Variants in SPIN3 observed in about 807,000 individuals in gnomAD.
The protein encoded by SPIN3 is spindlin family member 3.
For missense variants in SPIN3, 176 were observed against 196.4 expected, an observed-to-expected ratio of 0.90 and a Z score of 0.62; for synonymous variants, 74 against 74.3, an observed-to-expected ratio of 1.00 and a Z score of 0.02.
At chrX:56,983,901 G>A (rs934813506) in intron 3 of SPIN3, among the ~76,000 whole-genome samples, 5 of 112,365 alleles carry the variant, frequency 4.4e-5, no homozygotes, top group African/African-American at 1.6e-4. Context: ...ATAATACAGA[G>A]GACTGATATA....
Position 56,993,899 on chromosome X carries a change from C to A in SPIN3, c.*272G>T. The A allele has an allele frequency of 3.6e-6, 1 of 278,968 alleles. No homozygotes were observed. Among genetic ancestry groups the A allele is most frequent in the East Asian group, 6.3e-5 (1 of 15,891 alleles). 23.0% of individuals were successfully genotyped at this position (278,968 alleles called of 1,213,427 possible). On this transcript the variant is annotated 3_prime_UTR_variant, in exon 2 of 2. Transcript: ENST00000374919. ...TCAGCTACCTTTAATCTATTAACAC[C>A]ACCCAAGATAAAAAAAAGTATGAGC...
chrX:56,988,230 G>C (rs760854181), downstream of SPIN3, among the ~76,000 whole-genome samples: 1 of 111,245 alleles, frequency 9.0e-6, no homozygotes, highest in South Asian at 3.8e-4. Context: ...GGGCCTACTT[G>C]AAAACAGTGA....
chrX:56,990,615 T>C (rs188089445), downstream of SPIN3, among the ~76,000 whole-genome samples: 187 of 112,207 alleles, frequency 1.7e-3, 1 homozygote, highest in Admixed American at 4.7e-3. Flanking sequence ...AGTAAAAATA[T>C]ACTGGCCTCT....
downstream of SPIN3, among the ~76,000 whole-genome samples, chrX:56,988,040 G>A (rs1924258175): frequency 9.0e-6 from 1 of 111,644 alleles, no homozygotes; most frequent in Non-Finnish European, 1.9e-5. Context: ...TCAAGAAGGG[G>A]AATAGATTCA....
chrX:56,979,566 C>A (rs962357733), intron 3 of SPIN3: 2 of 112,026 alleles, frequency 1.8e-5, no homozygotes, highest in Non-Finnish European at 3.8e-5. Flanking sequence ...CAAAATATAA[C>A]TGAATATGAA....
rs1924334896 is a variant in SPIN3 at position 56,991,424 on chromosome X, T to C, written c.*2747A>G. ...AGTGGCCTAAGCTGCCTATCCATTA[T>C]AACCATTTTCTCAATCTCATCAAGT... On this transcript the variant is annotated 3_prime_UTR_variant, in exon 2 of 2. Coordinates refer to ENST00000374919, the MANE Select transcript of SPIN3 (RefSeq NM_001010862.3). The C allele has an allele frequency of 1.8e-5, 2 of 112,141 alleles. No individual in the cohort carries two copies. The highest frequency in any genetic ancestry group is 7.5e-4 in the South Asian group (2 of 2,675). The allele number at this position is 112,141 out of a possible 1,213,427, so 9.2% of individuals were successfully genotyped here. A position where few individuals can be genotyped will look rare whatever the true frequency, so the allele number is the denominator to read the frequency against.
At chrX:56,987,937 A>G (rs1054057178), downstream of SPIN3, among the ~76,000 whole-genome samples, 2 of 112,211 alleles carry the variant, frequency 1.8e-5, no homozygotes, top group Non-Finnish European at 3.8e-5. Context: ...ATTCACCTTT[A>G]TTAAGCATCT....
chrX:56,984,426 G>T (rs750134079), exon 3 of SPIN3: 14 of 319,305 alleles, frequency 4.4e-5, no homozygotes, highest in Non-Finnish European at 7.8e-5. Flanking sequence ...TTGATACAAT[G>T]AAAAGAAAGT....
At position 56,990,933 on chromosome X, in the gene SPIN3, C is replaced by T. The variant is rs1356638013; in HGVS notation, c.*3238G>A. ...CATTTGTGTAAAAAAAAAAAAAAAA[C>T]CTGATACACACATACCCACACACAA... On this transcript the variant is annotated 3_prime_UTR_variant, in exon 2 of 2. Coordinates refer to ENST00000374919, the MANE Select transcript of SPIN3 (RefSeq NM_001010862.3). 9.7e-6 allele frequency: 1 copy of T among 103,543 alleles called. No homozygotes were observed. The highest frequency in any genetic ancestry group is 1.0e-4 in the Admixed American group (1 of 9,772). The allele number at this position is 103,543 out of a possible 1,213,427, so 8.5% of individuals were successfully genotyped here. A position where few individuals can be genotyped will look rare whatever the true frequency, so the allele number is the denominator to read the frequency against.
At chrX:56,985,239 C>T (rs920262835) in intron 2 of SPIN3, among the ~76,000 whole-genome samples, 5 of 111,936 alleles carry the variant, frequency 4.5e-5, no homozygotes, top group African/African-American at 6.5e-5. Flanking sequence ...TTTTTAGAAA[C>T]ATAAGTGAGG....
chrX:56,975,868 C>T (rs1923996888), downstream of SPIN3: 1 of 62,791 alleles, frequency 1.6e-5, no homozygotes, highest in African/African-American at 3.5e-5. Flanking sequence ...AGTGGTTGGT[C>T]CACTTTTAAC....
chrX:56,994,779 C>G lies in SPIN3; in HGVS notation c.169G>C (p.Gly57Arg), dbSNP rs371875662. The G allele has an allele frequency of 2.6e-5, 32 of 1,210,016 alleles. No homozygotes were observed. Among genetic ancestry groups the G allele is most frequent in the Non-Finnish European group, 3.1e-5 (28 of 895,279 alleles). ...AGAGGTTCATCTCCATCTTTCCATC[C>G]GTGCTGAATTCTGCAGCCCACGATG... ...GNIVGCRIQH[G>R]WKDGDEPLTQ... is the part of the protein sequence containing the mutation. Residue 57 changes from glycine to arginine, a missense_variant, in exon 2 of 2, where the codon GGA becomes CGA. By Grantham distance (125) the Gly-to-Arg change is moderately radical (BLOSUM62 -2). Transcript: ENST00000374919.
chrX:56,993,895 A>C lies in SPIN3; in HGVS notation c.*276T>G, dbSNP rs1602743223. The C allele has an allele frequency of 3.7e-6, 1 of 272,340 alleles. No individual in the cohort carries two copies. The highest frequency in any genetic ancestry group is 6.6e-5 in the East Asian group (1 of 15,069). The allele number at this position is 272,340 out of a possible 1,213,427, so 22.4% of individuals were successfully genotyped here. A position where few individuals can be genotyped will look rare whatever the true frequency, so the allele number is the denominator to read the frequency against. ...GTGTTCAGCTACCTTTAATCTATTA[A>C]CACCACCCAAGATAAAAAAAAGTAT... is the stretch of plus-strand genomic sequence containing the variant. On this transcript the variant is annotated 3_prime_UTR_variant, in exon 2 of 2. Transcript: ENST00000374919.
chrX:56,993,523 A>C lies in SPIN3; in HGVS notation c.*648T>G, dbSNP rs1284303394. On this transcript the variant is annotated 3_prime_UTR_variant, in exon 2 of 2. Transcript: ENST00000374919. Reference sequence around the variant, plus strand: ...TCTCTCCACTTGGAGTTTGGTCCCCAAATGCTTGTCTTCTTATCAGTTTTG... The same window carrying C: ...TCTCTCCACTTGGAGTTTGGTCCCCCAATGCTTGTCTTCTTATCAGTTTTG... The C allele has an allele frequency of 8.9e-6, 1 of 112,345 alleles. No individual in the cohort carries two copies. The highest frequency in any genetic ancestry group is 9.4e-5 in the Admixed American group (1 of 10,630). The allele number at this position is 112,345 out of a possible 1,213,427, so 9.3% of individuals were successfully genotyped here.
rs759090909 is a variant in SPIN3, at chrX:56,994,734, C to T, written c.214G>A (p.Val72Ile). 3.1e-5 allele frequency: 37 copies of T among 1,210,088 alleles called. No homozygotes were observed. The highest frequency in any genetic ancestry group is 5.9e-5 in the East Asian group (2 of 33,787). The change falls in exon 2 of 2, where the codon GTT becomes ATT. Residue 72 changes from valine to isoleucine, a missense_variant. Transcript: ENST00000374919. Reference protein sequence around the residue: ...DEPLTQWKGTVLDQVPVNPSL... With the variant: ...DEPLTQWKGTILDQVPVNPSL... ...GGATTTACAGGTACCTGATCCAGAA[C>T]GGTTCCTTTCCACTGTGTTAGAGGT... is the stretch of plus-strand genomic sequence containing the variant.
downstream of SPIN3, among the ~76,000 whole-genome samples, chrX:56,989,233 A>G (rs1490540392): frequency 1.8e-5 from 2 of 111,487 alleles, no homozygotes; most frequent in Non-Finnish European, 3.8e-5. Context: ...ATGGCTGCAT[A>G]TCAACTAGGG....
At position 56,995,264 on chromosome X, in the gene SPIN3, G is replaced by C. The variant is rs929232907; in HGVS notation, c.-51C>G. 3.7e-6 allele frequency: 1 copy of C among 268,269 alleles called. No individual in the cohort carries two copies. Among genetic ancestry groups the C allele is most frequent in the Admixed American group, 5.9e-5 (1 of 16,955 alleles). The allele number at this position is 268,269 out of a possible 1,213,427, so 22.1% of individuals were successfully genotyped here. On this transcript the variant is annotated 5_prime_UTR_variant, in exon 1 of 2. Transcript: ENST00000374919. ...CACCGTCCCGGATTGCGGGCCTCAA[G>C]TGCACAAATCGGACACCTCGCCGTT...
Position 56,993,927 on chromosome X carries a change from A to G in SPIN3, c.*244T>C, listed in dbSNP as rs1321449043. On this transcript the variant is annotated 3_prime_UTR_variant, in exon 2 of 2. Transcript: ENST00000374919. ...CCAAGATAAAAAAAAGTATGAGCCA[A>G]TGGATGTCAGACTTTACCCTTCTCA... The G allele has an allele frequency of 3.6e-5, 12 of 332,203 alleles. No individual in the cohort carries two copies. Among genetic ancestry groups the G allele is most frequent in the Non-Finnish European group, 6.2e-5 (12 of 194,123 alleles). 27.4% of individuals were successfully genotyped at this position (332,203 alleles called of 1,213,427 possible).
chrX:56,975,632 T>G (rs764364320), downstream of SPIN3: 1 of 111,455 alleles, frequency 9.0e-6, no homozygotes, highest in African/African-American at 3.3e-5. Context: ...TCCATTCAGA[T>G]GGTTGGGGGG....
Sources: allele counts gnomAD v4.1 joint callset (sites outside exome capture counted in the v4.1 genomes callset), GRCh38; gene constraint gnomAD v4.1.1; transcripts MANE v1.5; gene names NCBI Gene and HGNC (gene_info 2026-07-23, HGNC 2026-07-21).